RRBP1: variants seen among roughly 807,000 people sequenced by gnomAD.
The protein encoded by RRBP1 is ribosome-binding protein 1.
In RRBP1, 94 loss-of-function variants were observed where a neutral mutation model predicts 165.2. That is an observed-to-expected ratio of 0.57 (90% CI 0.48 to 0.68). RRBP1 has a LOEUF of 0.68. Among genes scored for constraint, RRBP1 ranks in the 30% least tolerant of loss-of-function variants. The pLI is 0.00. For missense variants in RRBP1, 1,676 were observed against 1,763.0 expected (o/e 0.95, Z 0.88); for synonymous variants, 680 against 714.5 (o/e 0.95, Z 0.77).
chr20:17,659,519 T>C lies in RRBP1; in HGVS notation c.989A>G (p.Lys330Arg), dbSNP rs1055005584. Residue 330 changes from lysine to arginine, a missense_variant, in exon 3 of 25, where the codon AAG becomes AGG. By Grantham distance (26) the Lys-to-Arg change is conservative. Coordinates refer to ENST00000377813, the MANE Select transcript of RRBP1 (RefSeq NM_001365613.2). ...CTGATTCTGGGCCCCCTCGGCCTTC[T>C]TGCCCTGGTTCTGGGCCCCCTCTCC... ...KKGEGAQNQG[K>R]KAEGAQNQGK... is the part of the protein sequence containing the mutation. 12 of 1,546,592 alleles carry C rather than the reference T, an allele frequency of 7.8e-6. No individual in the cohort carries two copies. The highest frequency in any genetic ancestry group is 1.0e-5 in the Non-Finnish European group (12 of 1,145,752).
chr20:17,621,561 G>C lies in RRBP1; in HGVS notation c.3325-14C>G, dbSNP rs773661332. ...GGAGGCCAGGTCCTGAGAGAGGGAA[G>C]AACAGGTGTTTAGTTAGCCACACAC... On this transcript the variant is annotated splice_polypyrimidine_tract_variant and intron_variant, in intron 15 of 24. Transcript: ENST00000377813. 1 of 1,608,496 alleles carries C rather than the reference G, an allele frequency of 6.2e-7. No homozygotes were observed. The highest frequency in any genetic ancestry group is 1.1e-5 in the South Asian group (1 of 90,776).
Position 17,614,833 on chromosome 20 carries a change from G to T in RRBP1, c.4098C>A (p.Ala1366=), listed in dbSNP as rs767344588. ...EKKLTSDLGR[A]ATRLQELLKT... is the part of the protein sequence containing the mutation. Reference sequence around the variant, plus strand: ...TCAGAAGCTCCTGCAGTCTCGTGGCGGCGCGCCCCAGGTCACTTGTTAACT... The same window carrying T: ...TCAGAAGCTCCTGCAGTCTCGTGGCTGCGCGCCCCAGGTCACTTGTTAACT... The change falls in exon 24 of 25, where the codon GCC becomes GCA. Residue 1366 remains alanine (A), a synonymous_variant. Transcript: ENST00000377813. 1.9e-6 allele frequency: 3 copies of T among 1,613,784 alleles called. No individual in the cohort carries two copies. The highest frequency in any genetic ancestry group is 2.5e-6 in the Non-Finnish European group (3 of 1,179,994).
chr20:17,675,386 C>T (rs2037058779), intron 2 of RRBP1, among the ~76,000 whole-genome samples: 2 of 152,250 alleles, frequency 1.3e-5, no homozygotes, highest in African/African-American at 2.4e-5. Flanking sequence ...GCACCTATTG[C>T]ATGCTAGTCA....
intron 19 of RRBP1, 42 bp from the exon 20 acceptor site, chr20:17,618,721 G>A (rs1161875263): frequency 6.7e-7 from 1 of 1,493,302 alleles, no homozygotes; most frequent in African/African-American, 1.4e-5. Context: ...AAAAAGGAGA[G>A]AAAAGGAGAA....
At position 17,614,089 on chromosome 20, in the gene RRBP1, G is replaced by C; in HGVS notation, c.*93C>G. ...TCGGAGCTACCGGAAGTTGGGCCTG[G>C]ATAACGCTGTGTAGGTTGGTTGGTT... is the stretch of plus-strand genomic sequence containing the variant. On this transcript the variant is annotated 3_prime_UTR_variant, in exon 25 of 25. Transcript: ENST00000377813. 1.5e-6 allele frequency: 2 copies of C among 1,313,646 alleles called. No individual in the cohort carries two copies. Among genetic ancestry groups the C allele is most frequent in the Non-Finnish European group, 2.2e-6 (2 of 908,852 alleles). 81.4% of individuals were successfully genotyped at this position (1,313,646 alleles called of 1,614,324 possible).
chr20:17,663,590 T>TACC (rs1415015270), intron 2 of RRBP1, among the ~76,000 whole-genome samples: 3 of 152,214 alleles, frequency 2.0e-5, no homozygotes, highest in African/African-American at 7.2e-5. Context: ...GCTAAGGCAA[T>TACC]ACCACCACGG....
At chr20:17,639,429 A>G (rs536457347) in intron 5 of RRBP1, among the ~76,000 whole-genome samples, 14 of 152,360 alleles carry the variant, frequency 9.2e-5, no homozygotes, top group Admixed American at 7.2e-4. Flanking sequence ...AAACTTCTCT[A>G]CAAGGACAAA....
In RRBP1 at chr20:17,662,012, C is replaced by T. The variant is rs565805038; in HGVS notation, c.-21-1484G>A. On this transcript the variant is annotated intron_variant, in intron 2 of 24. Transcript: ENST00000377813. ...GCGCGGTGGCTCACGCCTGTAATCC[C>T]AGCACTTTGGGAGGCCAAGGCAGGC... 2.6e-5 allele frequency among the ~76,000 whole-genome samples: 4 copies of T among 152,274 alleles called. No individual in the cohort carries two copies. The South Asian group carries it at 8.3e-4, about 32-fold the overall frequency.
At chr20:17,681,278 G>A (rs2122531593) in intron 1 of RRBP1, among the ~76,000 whole-genome samples, 1 of 148,594 alleles carries the variant, frequency 6.7e-6, no homozygotes, top group Admixed American at 6.7e-5. Context: ...GCCCAGCCGG[G>A]GAAACGGTGG....
chr20:17,620,402 C>G (rs201959919), intron 17 of RRBP1, 32 bp from the exon 18 acceptor site: 34 of 1,581,972 alleles, frequency 2.1e-5, no homozygotes, highest in Non-Finnish European at 2.7e-5. Context: ...CCGTCAGACA[C>G]GAGCACCTGG....
chr20:17,658,791 AC>A lies in RRBP1; in HGVS notation c.1716del (p.Ser573ProfsTer126), dbSNP rs1240583233. On this transcript the variant is annotated frameshift_variant, in exon 3 of 25. Coordinates refer to ENST00000377813, the MANE Select transcript of RRBP1 (RefSeq NM_001365613.2). LOFTEE classifies it high-confidence loss of function. ...TCTGCCTTTTTGCCTTCACTGGGGG[AC>A]CCTTCTGCTTTTTTCCCCTGGTTTG... ...GITNQGKKAE[G>X]SPSEGKKAEG... The A allele has an allele frequency of 6.2e-7, 1 of 1,611,650 alleles. No homozygotes were observed. The highest frequency in any genetic ancestry group is 8.5e-7 in the Non-Finnish European group (1 of 1,179,348).
At chr20:17,641,974 C>T (rs747028956) in intron 4 of RRBP1, 55 bp from the exon 5 acceptor site, 11 of 1,575,846 alleles carry the variant, frequency 7.0e-6, no homozygotes, top group Non-Finnish European at 9.5e-6. Context: ...TTGGCTCATC[C>T]CCTGACCCCG....
chr20:17,638,306 G>A (rs1468710979), intron 5 of RRBP1, among the ~76,000 whole-genome samples: 9 of 152,212 alleles, frequency 5.9e-5, no homozygotes, highest in African/African-American at 1.4e-4. Flanking sequence ...CCAGCCTTGC[G>A]AAGAAACCAA....
chr20:17,664,019 T>G (rs772358701), intron 2 of RRBP1, among the ~76,000 whole-genome samples: 5 of 152,232 alleles, frequency 3.3e-5, no homozygotes, highest in Admixed American at 6.5e-5. Context: ...GAATCCTATA[T>G]ACACTATTTT....
rs2036403273 is a variant in RRBP1, at chr20:17,643,373, G to A, written c.1913-246C>T. 6.6e-6 allele frequency among the ~76,000 whole-genome samples: 1 copy of A among 152,110 alleles called. No homozygotes were observed. The highest frequency in any genetic ancestry group is 2.1e-4 in the South Asian group (1 of 4,820). On this transcript the variant is annotated intron_variant, in intron 3 of 24. Coordinates refer to ENST00000377813, the MANE Select transcript of RRBP1 (RefSeq NM_001365613.2). This position sits in a 1 kb window ranked among gnomAD's most constrained non-coding sequence, Gnocchi z 4.3. ...CGCCCATAGGAAGTCCCAGCCTGGG[G>A]TGGAAGTAGAGCTCCTCTTTTTTTT...
At position 17,615,908 on chromosome 20, in the gene RRBP1, C is replaced by T. The variant is rs1568749306; in HGVS notation, c.3951+18G>A. 6.2e-7 allele frequency: 1 copy of T among 1,604,694 alleles called. No individual in the cohort carries two copies. The highest frequency in any genetic ancestry group is 1.7e-4 in the Middle Eastern group (1 of 6,048). ...CCAGGGGCTGATGGGGGCTGAGAGC[C>T]ACCAGGCAGGGCCTGACCTCCTCAA... On this transcript the variant is annotated intron_variant, in intron 22 of 24. Coordinates refer to ENST00000377813, the MANE Select transcript of RRBP1 (RefSeq NM_001365613.2).
Position 17,621,844 on chromosome 20 carries a change from TC to T in RRBP1, c.3240+10del. The T allele has an allele frequency of 6.2e-7, 1 of 1,613,132 alleles. No individual in the cohort carries two copies. Among genetic ancestry groups the T allele is most frequent in the South Asian group, 1.1e-5 (1 of 91,042 alleles). Reference sequence around the variant, plus strand: ...ACTGTGAGGTCCCCGGGAACCACCCTCCCCTCCTACCTGTTGTGCCAAGACA... The same window carrying T: ...ACTGTGAGGTCCCCGGGAACCACCCTCCCTCCTACCTGTTGTGCCAAGACA... On this transcript the variant is annotated intron_variant, in intron 14 of 24. Coordinates refer to ENST00000377813, the MANE Select transcript of RRBP1 (RefSeq NM_001365613.2).
intron 8 of RRBP1, among the ~76,000 whole-genome samples, chr20:17,632,832 C>T (rs1485156974): frequency 2.0e-5 from 3 of 152,142 alleles, no homozygotes. Flanking sequence ...GCATGCTGCC[C>T]GTGTCCCCCT....
At chr20:17,675,705 G>C (rs1489686958) in intron 2 of RRBP1, among the ~76,000 whole-genome samples, 1 of 152,222 alleles carries the variant, frequency 6.6e-6, no homozygotes, top group African/African-American at 2.4e-5. Context: ...CATGCCTGAG[G>C]AACAGAGGCC....
Sources: gnomAD v4.1 joint callset for allele counts (sites outside exome capture counted in the v4.1 genomes callset) on GRCh38, gnomAD v4.1.1 for gene constraint, Gnocchi (gnomAD v3.1) non-coding constraint, MANE v1.5 for transcripts, NCBI Gene and HGNC (gene_info 2026-07-23, HGNC 2026-07-21) for gene names.